The following KLHL3 variants were observed in gnomAD, a reference collection of about 807,000 sequenced individuals.
The protein encoded by KLHL3 is kelch-like protein 3.
Under a neutral mutation model 70.5 loss-of-function variants are expected in KLHL3, and 19 were observed. The observed-to-expected ratio is 0.27, with a 90% CI of 0.19 to 0.40. The LOEUF (loss-of-function observed/expected upper bound fraction) is 0.40. KLHL3 is among the 10% of genes least tolerant of loss of function. The pLI is 1.00. For synonymous variants in KLHL3, 258 were observed against 290.3 expected, an observed-to-expected ratio of 0.89 and a Z score of 1.13; for missense variants, 512 against 771.1, an observed-to-expected ratio of 0.66 and a Z score of 3.98.
At chr5:137,711,172 G>T (rs2149930172) in intron 2 of KLHL3, among the ~76,000 whole-genome samples, 1 of 152,344 alleles carries the variant, frequency 6.6e-6, no homozygotes, top group East Asian at 1.9e-4. Context: ...ACGGATGGAA[G>T]AAAAGCTACA....
intron 13 of KLHL3, among the ~76,000 whole-genome samples, chr5:137,627,474 A>AACCC: frequency 1.9e-5 from 1 of 53,108 alleles, no homozygotes; most frequent in African/African-American, 5.4e-5. Flanking sequence ...AGTAAATATC[A>AACCC]CCACCCCCCC....
chr5:137,647,666 G>A (rs769021527), intron 8 of KLHL3: 13 of 456,644 alleles, frequency 2.8e-5, no homozygotes, highest in African/African-American at 6.0e-5. Context: ...CAATTCATCC[G>A]ATGGAGCATG....
intron 3 of KLHL3, among the ~76,000 whole-genome samples, chr5:137,700,253 A>G (rs549559201): frequency 1.5e-4 from 23 of 152,264 alleles, no homozygotes; most frequent in Non-Finnish European, 3.4e-4. Flanking sequence ...TCAGAAGTTA[A>G]GCTATTAAAA....
At chr5:137,691,230 T>G (rs918274192) in intron 5 of KLHL3, among the ~76,000 whole-genome samples, 11 of 152,166 alleles carry the variant, frequency 7.2e-5, no homozygotes, top group African/African-American at 2.7e-4. Flanking sequence ...AAAAGACAAT[T>G]ATTAACTGCC....
intron 11 of KLHL3, 41 bp from the exon 12 acceptor site, chr5:137,634,206 T>C (rs746194467): frequency 1.8e-5 from 28 of 1,563,160 alleles, no homozygotes; most frequent in Non-Finnish European, 2.3e-5. Context: ...CCAGGGATAC[T>C]GGCATGAAAC....
intron 6 of KLHL3, among the ~76,000 whole-genome samples, chr5:137,676,849 G>A (rs1374366948): frequency 6.6e-6 from 1 of 152,176 alleles, no homozygotes; most frequent in African/African-American, 2.4e-5. Context: ...CTGGCATAAA[G>A]AAATTTTTAC....
Position 137,734,386 on chromosome 5 carries a change from C to T in KLHL3, c.14+1247G>A, listed in dbSNP as rs367900099. Among the ~76,000 whole-genome samples, 44 of 151,624 alleles carry T rather than the reference C, an allele frequency of 2.9e-4. 1 individual carries two copies. In the South Asian group the frequency reaches 6.8e-3, roughly 24 times the overall value. ...AAAGAGCACCCAGAAAGAGAATGCA[C>T]CAGCAGCACAGTCAGTCCCAGGCTC... On this transcript the variant is annotated intron_variant, in intron 1 of 14. Coordinates refer to ENST00000309755, the MANE Select transcript of KLHL3 (RefSeq NM_017415.3).
chr5:137,640,736 C>CA (rs968253093), intron 8 of KLHL3, among the ~76,000 whole-genome samples: 37 of 151,638 alleles, frequency 2.4e-4, no homozygotes, highest in Admixed American at 9.2e-4. Flanking sequence ...GCCAGCCACC[C>CA]CCCCCAACTC....
chr5:137,664,241 T>C (rs1490968065), intron 6 of KLHL3, among the ~76,000 whole-genome samples: 1 of 151,438 alleles, frequency 6.6e-6, no homozygotes, highest in African/African-American at 2.4e-5. Flanking sequence ...TCCCAGCTAC[T>C]AGTGAGGTTG....
chr5:137,631,666 T>C (rs969168619), intron 12 of KLHL3, among the ~76,000 whole-genome samples: 1 of 152,216 alleles, frequency 6.6e-6, no homozygotes. Context: ...CTAAATCTGA[T>C]AAGTGCAATT....
chr5:137,673,151 C>A (rs1561600367), intron 6 of KLHL3, among the ~76,000 whole-genome samples: 1 of 152,176 alleles, frequency 6.6e-6, no homozygotes, highest in Non-Finnish European at 1.5e-5. Flanking sequence ...CTGGGAAATG[C>A]AGGCCATATA....
intron 6 of KLHL3, 81 bp from the exon 7 acceptor site, chr5:137,662,112 A>AG (rs140429175): frequency 8.2e-6 from 5 of 612,488 alleles, no homozygotes; most frequent in East Asian, 5.8e-5. Context: ...AAAAAAAAAA[A>AG]AAAGAGAGAG....
At chr5:137,680,792 C>T (rs932733787) in intron 5 of KLHL3, among the ~76,000 whole-genome samples, 1 of 152,126 alleles carries the variant, frequency 6.6e-6, no homozygotes, top group Non-Finnish European at 1.5e-5. Flanking sequence ...GATCCACCCG[C>T]CTCAGTCTCC....
intron 2 of KLHL3, among the ~76,000 whole-genome samples, chr5:137,711,108 T>C (rs544115133): frequency 2.0e-5 from 3 of 152,336 alleles, no homozygotes; most frequent in Admixed American, 6.5e-5. Context: ...GCTGAGGTCA[T>C]GACTAGATTC....
intron 8 of KLHL3, among the ~76,000 whole-genome samples, chr5:137,652,655 G>T (rs1751231601): frequency 6.6e-6 from 1 of 152,198 alleles, no homozygotes; most frequent in Admixed American, 6.5e-5. Flanking sequence ...GTTACCAAGG[G>T]ATAGGGGAAG....
chr5:137,642,613 A>T, intron 8 of KLHL3, among the ~76,000 whole-genome samples: 1 of 152,374 alleles, frequency 6.6e-6, no homozygotes, highest in South Asian at 2.1e-4. Context: ...GAATACATGA[A>T]TAAAAAGTAA....
At chr5:137,713,259 G>A (rs983285833) in intron 2 of KLHL3, among the ~76,000 whole-genome samples, 1 of 151,648 alleles carries the variant, frequency 6.6e-6, no homozygotes, top group Non-Finnish European at 1.5e-5. Flanking sequence ...GAGCCCAGGA[G>A]TTCACGACCA....
At chr5:137,622,163 T>C (rs1244780630) in intron 14 of KLHL3, 37 bp from the exon 15 acceptor site, 16 of 1,612,668 alleles carry the variant, frequency 9.9e-6, no homozygotes, top group Non-Finnish European at 1.1e-5. Flanking sequence ...CATCTTAGCT[T>C]CTCCAAAATT....
rs933887097 is a variant in KLHL3 at position 137,720,957 on chromosome 5, G to A, written c.15-373C>T. 3.1e-5 allele frequency: 28 copies of A among 904,136 alleles called. No homozygotes were observed. The South Asian group carries it at 7.8e-4, about 25-fold the overall frequency. 56.0% of individuals were successfully genotyped at this position (904,136 alleles called of 1,614,324 possible). A position where few individuals can be genotyped will look rare whatever the true frequency, so the allele number is the denominator to read the frequency against. ...GAGGCTACTATGTGCCAGGCACTGC[G>A]TTTAGATTTAAGGGAAACAAAACAA... On this transcript the variant is annotated intron_variant, in intron 1 of 14. Transcript: ENST00000309755.
Sources: allele counts gnomAD v4.1 joint callset (sites outside exome capture counted in the v4.1 genomes callset), GRCh38; gene constraint gnomAD v4.1.1; transcripts MANE v1.5; gene names NCBI Gene and HGNC (gene_info 2026-07-23, HGNC 2026-07-21).